The following SBF2 variants were observed in gnomAD, a reference collection of about 807,000 sequenced individuals.
SBF2 encodes the protein myotubularin-related protein 13.
Under a neutral mutation model 225.2 loss-of-function variants are expected in SBF2, and 112 were observed. The observed-to-expected ratio is 0.50, with a 90% CI of 0.43 to 0.58. The LOEUF (loss-of-function observed/expected upper bound fraction) is 0.58, where lower values mean the gene tolerates loss of function less well. Among genes scored for constraint, SBF2 ranks in the 20% least tolerant of loss-of-function variants. SBF2 has a pLI of 0.00. For missense variants in SBF2, 1,996 were observed against 2,206.2 expected, an observed-to-expected ratio of 0.90 and a Z score of 1.91; for synonymous variants, 763 against 773.3, an observed-to-expected ratio of 0.99 and a Z score of 0.22.
chr11:10,129,112 T>C (rs1953902329), intron 2 of SBF2, among the ~76,000 whole-genome samples: 1 of 145,030 alleles, frequency 6.9e-6, no homozygotes, highest in Admixed American at 6.9e-5. Context: ...TTTTTTTTTT[T>C]TTTTTTTTTT....
chr11:10,057,539 T>C (rs1176115169), intron 2 of SBF2, among the ~76,000 whole-genome samples: 3 of 152,070 alleles, frequency 2.0e-5, no homozygotes, highest in East Asian at 1.9e-4. Flanking sequence ...CCTGGGATGA[T>C]TGCACTGAGT....
intron 16 of SBF2, among the ~76,000 whole-genome samples, chr11:9,924,371 G>A (rs1863865577): frequency 6.6e-6 from 1 of 152,184 alleles, no homozygotes; most frequent in Admixed American, 6.5e-5. Flanking sequence ...CATGTTTAAA[G>A]TATGCTAGGC....
At chr11:9,913,911 A>T (rs573065352) in intron 16 of SBF2, among the ~76,000 whole-genome samples, 11 of 152,348 alleles carry the variant, frequency 7.2e-5, no homozygotes, top group Middle Eastern at 3.4e-3. Flanking sequence ...TATGTTGCCC[A>T]GGCAGGTTTC....
At chr11:9,996,630 C>T (rs1256296835) in intron 9 of SBF2, among the ~76,000 whole-genome samples, 1 of 152,130 alleles carries the variant, frequency 6.6e-6, no homozygotes, top group East Asian at 1.9e-4. Context: ...ACCTCGTGAT[C>T]TGCCTGCCTC....
At chr11:9,930,662 C>T (rs991214600) in intron 16 of SBF2, among the ~76,000 whole-genome samples, 5 of 152,218 alleles carry the variant, frequency 3.3e-5, no homozygotes, top group African/African-American at 1.2e-4. Context: ...CAGCTCTGGT[C>T]TGCAGCTCCC....
chr11:10,276,864 T>C (rs1435756630), intron 1 of SBF2, among the ~76,000 whole-genome samples: 3 of 152,126 alleles, frequency 2.0e-5, no homozygotes, highest in African/African-American at 4.8e-5. Flanking sequence ...TATAATAATA[T>C]GGAGAAAACA....
At position 9,784,961 on chromosome 11, in the gene SBF2, G is replaced by C. The variant is rs1210711117; in HGVS notation, c.5231+164C>G. On this transcript the variant is annotated intron_variant, in intron 37 of 39. Transcript: ENST00000256190. ...TTTTTAGTTGTAATTTTTGTTTTTTGTCTTTTCAAAGAAACATCTAAAACA... is the reference window on the plus strand; with the variant it reads ...TTTTTAGTTGTAATTTTTGTTTTTTCTCTTTTCAAAGAAACATCTAAAACA... 67 of 718,992 alleles carry C rather than the reference G, an allele frequency of 9.3e-5. No homozygotes were observed. In the East Asian group the frequency reaches 1.8e-3, roughly 19 times the overall value. 44.5% of individuals were successfully genotyped at this position (718,992 alleles called of 1,614,324 possible).
intron 21 of SBF2, among the ~76,000 whole-genome samples, chr11:9,851,416 T>C (rs1489755216): frequency 6.6e-6 from 1 of 152,202 alleles, no homozygotes; most frequent in East Asian, 1.9e-4. Flanking sequence ...TATTTGCACA[T>C]TATTTTGTTT....
At chr11:10,259,748 T>A (rs11042696) in intron 1 of SBF2, among the ~76,000 whole-genome samples, 3,278 of 152,184 alleles carry the variant, frequency 0.022, 91 homozygotes, top group African/African-American at 0.065. Flanking sequence ...AAACATAACA[T>A]ATTTTAAAGG....
At chr11:10,169,064 G>C (rs1956088590) in intron 2 of SBF2, among the ~76,000 whole-genome samples, 1 of 151,954 alleles carries the variant, frequency 6.6e-6, no homozygotes, top group Non-Finnish European at 1.5e-5. Flanking sequence ...TAATTTTTAT[G>C]GGTACACAGG....
intron 8 of SBF2, among the ~76,000 whole-genome samples, chr11:9,999,193 T>A (rs1259561379): frequency 6.6e-6 from 1 of 152,142 alleles, no homozygotes; most frequent in Admixed American, 6.5e-5. Context: ...TTTAAGAAAT[T>A]TGCATTTGGC....
chr11:9,909,052 T>C (rs926638456), intron 16 of SBF2, among the ~76,000 whole-genome samples: 1 of 152,024 alleles, frequency 6.6e-6, no homozygotes, highest in Non-Finnish European at 1.5e-5. Context: ...ATAAGGCCTT[T>C]TGAGGGCAAT....
intron 2 of SBF2, among the ~76,000 whole-genome samples, chr11:10,089,146 C>G (rs1227974018): frequency 1.3e-5 from 2 of 152,322 alleles, no homozygotes; most frequent in African/African-American, 4.8e-5. Flanking sequence ...ATGCAACACA[C>G]ATCACCCAAG....
At chr11:9,826,410 T>A (rs1855062016) in intron 28 of SBF2, among the ~76,000 whole-genome samples, 1 of 152,006 alleles carries the variant, frequency 6.6e-6, no homozygotes, top group Non-Finnish European at 1.5e-5. Flanking sequence ...AAAGAAAGTA[T>A]CCAAAGGACC....
chr11:9,827,508 G>A (rs1855138525), intron 28 of SBF2, among the ~76,000 whole-genome samples: 1 of 147,262 alleles, frequency 6.8e-6, no homozygotes, highest in South Asian at 2.2e-4. Flanking sequence ...ACTCCAGCCT[G>A]GGCAACAAAG....
intron 16 of SBF2, among the ~76,000 whole-genome samples, chr11:9,911,273 C>G (rs549368323): frequency 1.3e-5 from 2 of 150,552 alleles, no homozygotes; most frequent in African/African-American, 2.4e-5. Context: ...GAGGCTGAGG[C>G]GGAGAATTAC....
chr11:10,166,976 C>CAT lies in SBF2; in HGVS notation c.141+26925_141+26926insAT, dbSNP rs796543121. On this transcript the variant is annotated intron_variant, in intron 2 of 39. Transcript: ENST00000256190. ...GACTCTGTCTCCACACACACACACACACACACACACACAAAAAGGCTACTA... is the reference window on the plus strand; with the variant it reads ...GACTCTGTCTCCACACACACACACACATACACACACACACAAAAAGGCTACTA... Among the ~76,000 whole-genome samples, 51 of 151,700 alleles carry CAT rather than the reference C, an allele frequency of 3.4e-4. No individual in the cohort carries two copies. In the South Asian group the frequency reaches 7.5e-3, roughly 22 times the overall value.
intron 29 of SBF2, 82 bp downstream of exon 29, chr11:9,816,758 G>T: frequency 2.1e-6 from 3 of 1,401,046 alleles, no homozygotes; most frequent in South Asian, 2.5e-5. Context: ...AAAAATTCTA[G>T]CAAAGCTGGT....
intron 17 of SBF2, among the ~76,000 whole-genome samples, chr11:9,891,361 A>G (rs1025322359): frequency 1.3e-5 from 2 of 152,206 alleles, no homozygotes; most frequent in Non-Finnish European, 2.9e-5. Flanking sequence ...AATTTAATAA[A>G]CATAATCTTT....
Sources: gnomAD v4.1 joint callset for allele counts (sites outside exome capture counted in the v4.1 genomes callset) on GRCh38, gnomAD v4.1.1 for gene constraint, MANE v1.5 for transcripts, NCBI Gene and HGNC (gene_info 2026-07-23, HGNC 2026-07-21) for gene names.